The following MYT1L variants were observed in gnomAD, a reference collection of about 807,000 sequenced individuals.
MYT1L encodes the protein myelin transcription factor 1 like, also known as myelin transcription factor 1-like protein.
In MYT1L, 12 loss-of-function variants were observed where a neutral mutation model predicts 126.7. That is an observed-to-expected ratio of 0.09 (90% confidence interval 0.06 to 0.15). The LOEUF (loss-of-function observed/expected upper bound fraction) is 0.15. MYT1L is among the 10% of genes least tolerant of loss of function. The probability of loss-of-function intolerance (pLI) is 1.00; values close to 1 mark genes in which losing one functional copy is unlikely to be tolerated. For synonymous variants in MYT1L, 541 were observed against 604.2 expected (o/e 0.90, Z 1.53); for missense variants, 979 against 1,585.2 (o/e 0.62, Z 6.49).
chr2:1,963,428 T>C (rs1005670755), intron 8 of MYT1L, among the ~76,000 whole-genome samples: 2 of 152,214 alleles, frequency 1.3e-5, no homozygotes, highest in Admixed American at 6.5e-5. Context: ...CAGTTTAAAG[T>C]CACCAACTCC....
At chr2:2,286,369 T>G (rs971348815) in intron 1 of MYT1L, among the ~76,000 whole-genome samples, 2 of 152,198 alleles carry the variant, frequency 1.3e-5, no homozygotes, top group Non-Finnish European at 2.9e-5. Context: ...CAGATAGAAT[T>G]GATGACTCTT....
intron 14 of MYT1L, among the ~76,000 whole-genome samples, chr2:1,899,732 C>A (rs931485030): frequency 1.3e-5 from 2 of 152,230 alleles, no homozygotes; most frequent in African/African-American, 2.4e-5. Context: ...TGGTAAAGCA[C>A]ACGCTAATCC....
chr2:2,107,028 A>G (rs2078839640), intron 3 of MYT1L, among the ~76,000 whole-genome samples: 1 of 152,128 alleles, frequency 6.6e-6, no homozygotes, highest in Non-Finnish European at 1.5e-5. Flanking sequence ...CCTCATCTAT[A>G]AAGTGGAGAT....
At chr2:2,307,043 CA>C (rs911446616) in intron 1 of MYT1L, among the ~76,000 whole-genome samples, 9 of 152,092 alleles carry the variant, frequency 5.9e-5, no homozygotes, top group Admixed American at 5.2e-4. Flanking sequence ...TTTGCATAGA[CA>C]CCAGAGAAAG....
At chr2:2,137,987 T>C (rs1310835606) in intron 3 of MYT1L, among the ~76,000 whole-genome samples, 1 of 151,770 alleles carries the variant, frequency 6.6e-6, no homozygotes, top group Non-Finnish European at 1.5e-5. Context: ...TCAAACAAAT[T>C]TACAAGAAAA....
chr2:2,157,163 ACTGT>A (rs2086868578), intron 3 of MYT1L, among the ~76,000 whole-genome samples: 1 of 152,240 alleles, frequency 6.6e-6, no homozygotes, highest in South Asian at 2.1e-4. Context: ...CAGTGAACCT[ACTGT>A]CTAAAATTGT....
intron 2 of MYT1L, among the ~76,000 whole-genome samples, chr2:2,192,472 A>C (rs988652938): frequency 6.6e-6 from 1 of 151,724 alleles, no homozygotes; most frequent in Non-Finnish European, 1.5e-5. Flanking sequence ...CTCTGAAAAG[A>C]AGTCTCATTA....
At chr2:2,061,107 T>A (rs986079523) in intron 3 of MYT1L, among the ~76,000 whole-genome samples, 1 of 151,898 alleles carries the variant, frequency 6.6e-6, no homozygotes, top group African/African-American at 2.4e-5. Flanking sequence ...ACTTAGAGAG[T>A]GGGTACAGAT....
intron 21 of MYT1L, among the ~76,000 whole-genome samples, chr2:1,817,569 C>T (rs1028163360): frequency 1.3e-5 from 2 of 152,228 alleles, no homozygotes; most frequent in Admixed American, 6.5e-5. Context: ...GCGGCTGTGT[C>T]GGTGCTGCCA....
intron 4 of MYT1L, among the ~76,000 whole-genome samples, chr2:2,039,441 G>A (rs1186813610): frequency 6.6e-6 from 1 of 152,054 alleles, no homozygotes; most frequent in Non-Finnish European, 1.5e-5. Flanking sequence ...GATGTATGTA[G>A]TCTATGGACA....
intron 1 of MYT1L, among the ~76,000 whole-genome samples, chr2:2,318,329 C>T (rs915817609): frequency 1.3e-5 from 2 of 152,036 alleles, no homozygotes; most frequent in Non-Finnish European, 2.9e-5. Context: ...GAGATGTTAC[C>T]TGTTGTCTCA....
Position 1,792,387 on chromosome 2 carries a change from G to A in MYT1L, c.3354C>T (p.Leu1118=), listed in dbSNP as rs1189140761. 1.2e-6 allele frequency: 2 copies of A among 1,612,684 alleles called. No homozygotes were observed. The highest frequency in any genetic ancestry group is 1.7e-5 in the Admixed American group (1 of 59,838). The change falls in exon 24 of 25, where the codon CTC becomes CTT. Residue 1118 remains leucine, a synonymous_variant. Transcript: ENST00000647738. The part of the protein sequence containing the change: ...KVIEQQNESL[L]HELANLSQSL... ...ACTGGCTCAGGTTCGCCAGCTCGTG[G>A]AGGAGAGACTCGTTCTGCTGCTCAA...
chr2:2,080,966 A>C (rs1266663565), intron 3 of MYT1L, among the ~76,000 whole-genome samples: 1 of 152,216 alleles, frequency 6.6e-6, no homozygotes, highest in Non-Finnish European at 1.5e-5. Flanking sequence ...GCAAATTCAC[A>C]GAGACAAAAA....
At chr2:2,309,887 C>G (rs1333558860) in intron 1 of MYT1L, among the ~76,000 whole-genome samples, 1 of 152,036 alleles carries the variant, frequency 6.6e-6, no homozygotes, top group Non-Finnish European at 1.5e-5. Flanking sequence ...CTTTAGCACA[C>G]TCTACCCATA....
chr2:1,910,186 G>C lies in MYT1L; in HGVS notation c.1817+54C>G. The C allele has an allele frequency of 6.6e-7, 1 of 1,518,908 alleles. No homozygotes were observed. The highest frequency in any genetic ancestry group is 9.1e-7 in the Non-Finnish European group (1 of 1,100,578). The allele number at this position is 1,518,908 out of a possible 1,614,324, so 94.1% of individuals were successfully genotyped here. ...TGAGCGGGTGTCCCCAGCGCTCCGA[G>C]GTGTGGGGCAGACTATGGATAGAGC... On this transcript the variant is annotated intron_variant, in intron 13 of 24. Coordinates refer to ENST00000647738, the MANE Select transcript of MYT1L (RefSeq NM_001303052.2). This position sits in a 1 kb window ranked among gnomAD's most constrained non-coding sequence, Gnocchi z 4.8.
At chr2:2,240,230 T>A in intron 2 of MYT1L, among the ~76,000 whole-genome samples, 2 of 151,708 alleles carry the variant, frequency 1.3e-5, no homozygotes, top group South Asian at 2.1e-4. Flanking sequence ...GAGGCGGAGG[T>A]TGCAGGGAGC....
intron 18 of MYT1L, among the ~76,000 whole-genome samples, chr2:1,866,730 GGA>G (rs1460015308): frequency 9.9e-6 from 1 of 101,010 alleles, no homozygotes; most frequent in African/African-American, 3.6e-5. Context: ...AGAGAGGGAG[GGA>G]GAGAGAGAGG....
intron 1 of MYT1L, among the ~76,000 whole-genome samples, chr2:2,296,818 C>T (rs1322349833): frequency 6.6e-6 from 1 of 152,240 alleles, no homozygotes; most frequent in Admixed American, 6.5e-5. Flanking sequence ...TAAGCCTTGC[C>T]TCTTTGTGGG....
intron 2 of MYT1L, among the ~76,000 whole-genome samples, chr2:2,201,642 G>T (rs1388546913): frequency 6.6e-6 from 1 of 151,682 alleles, no homozygotes; most frequent in Non-Finnish European, 1.5e-5. Flanking sequence ...AAGCTGCAGG[G>T]AGTTGAGATT....
Sources: gnomAD v4.1 joint callset for allele counts (sites outside exome capture counted in the v4.1 genomes callset) on GRCh38, gnomAD v4.1.1 for gene constraint, Gnocchi (gnomAD v3.1) non-coding constraint, MANE v1.5 for transcripts, NCBI Gene and HGNC (gene_info 2026-07-23, HGNC 2026-07-21) for gene names.